The following SUGCT variants were observed in gnomAD, a reference collection of about 807,000 sequenced individuals.
The protein encoded by SUGCT is succinyl-CoA:glutarate-CoA transferase, also known as succinyl-CoA:glutarate CoA-transferase.
Under a neutral mutation model 55.0 loss-of-function variants are expected in SUGCT, and 41 were observed. The observed-to-expected ratio is 0.74, with a 90% CI of 0.58 to 0.97. The LOEUF (loss-of-function observed/expected upper bound fraction) is 0.97, where lower values mean the gene tolerates loss of function less well. Among genes scored for constraint, SUGCT ranks in the 50% least tolerant of loss-of-function variants. SUGCT has a pLI of 0.00. For missense variants in SUGCT, 568 were observed against 547.8 expected (o/e 1.04, Z -0.37); for synonymous variants, 187 against 200.4 (o/e 0.93, Z 0.56).
rs544312261 is a variant in SUGCT at position 40,419,967 on chromosome 7, A to C, written c.817-29320A>C. On this transcript the variant is annotated intron_variant, in intron 9 of 13. Coordinates refer to ENST00000335693, the MANE Select transcript of SUGCT (RefSeq NM_001193313.2). The stretch of plus-strand genomic sequence containing the variant: ...GTAGCTGGCAAGTTACAGAAACAGG[A>C]ACCTGGGCTCCAAACCATGTGCTTT... Among the ~76,000 whole-genome samples the C allele has an allele frequency of 1.4e-4, 22 of 152,304 alleles. No individual in the cohort carries two copies. The East Asian group carries it at 3.7e-3, about 25-fold the overall frequency.
chr7:40,775,787 C>T (rs1406172958), intron 13 of SUGCT: 2 of 152,162 alleles, frequency 1.3e-5, no homozygotes, highest in South Asian at 2.1e-4. Context: ...CTTTGAAATT[C>T]CTATTAAGCA....
At chr7:40,535,628 T>G (rs1400950207) in intron 12 of SUGCT, among the ~76,000 whole-genome samples, 1 of 152,156 alleles carries the variant, frequency 6.6e-6, no homozygotes, top group Non-Finnish European at 1.5e-5. Context: ...TACATGCCAA[T>G]CAGGGTTGGA....
chr7:40,697,570 G>A (rs1246764349), intron 12 of SUGCT, among the ~76,000 whole-genome samples: 5 of 152,130 alleles, frequency 3.3e-5, no homozygotes, highest in South Asian at 2.1e-4. Flanking sequence ...CCCGGGAGGC[G>A]GAGGTTGCAG....
chr7:40,697,851 C>T (rs931786568), intron 12 of SUGCT, among the ~76,000 whole-genome samples: 2 of 152,196 alleles, frequency 1.3e-5, no homozygotes, highest in African/African-American at 4.8e-5. Context: ...AGTCAGACAG[C>T]CAACAAGCCT....
intron 9 of SUGCT, among the ~76,000 whole-genome samples, chr7:40,324,884 A>G (rs935234587): frequency 1.3e-5 from 2 of 152,216 alleles, no homozygotes; most frequent in Non-Finnish European, 2.9e-5. Flanking sequence ...GATAATTCAC[A>G]TGGTAATTTC....
rs191470942 is a variant in SUGCT at position 40,766,586 on chromosome 7, G to A, written c.1153+17089G>A. Among the ~76,000 whole-genome samples the A allele has an allele frequency of 5.1e-4, 77 of 152,198 alleles. 1 individual carries two copies. The highest frequency in any genetic ancestry group is 2.3e-3 in the South Asian group (11 of 4,818). On this transcript the variant is annotated intron_variant, in intron 13 of 13. Coordinates refer to ENST00000335693, the MANE Select transcript of SUGCT (RefSeq NM_001193313.2). ...TTTAGTATTTTTCCTAATAGAAATT[G>A]TAAACTTCAATATGTTACTAAGAAT...
the SUGCT span, among the ~76,000 whole-genome samples, chr7:40,907,551 C>T: frequency 8.5e-5 from 13 of 152,272 alleles, no homozygotes; most frequent in South Asian, 1.0e-3. Flanking sequence ...CCTCATCTAA[C>T]GCTCACAAAA....
chr7:40,192,276 T>A (rs1360411791), intron 5 of SUGCT, among the ~76,000 whole-genome samples: 1 of 152,124 alleles, frequency 6.6e-6, no homozygotes. Context: ...GACTCCTTTG[T>A]CAGCTAGGCT....
At chr7:40,592,620 T>C (rs1475260373) in intron 12 of SUGCT, among the ~76,000 whole-genome samples, 1 of 152,206 alleles carries the variant, frequency 6.6e-6, no homozygotes, top group Admixed American at 6.5e-5. Flanking sequence ...AGAAGTAAAG[T>C]AGTGCCAGGG....
At chr7:40,886,753 T>A in the SUGCT span, among the ~76,000 whole-genome samples, 2 of 152,192 alleles carry the variant, frequency 1.3e-5, no homozygotes, top group Non-Finnish European at 2.9e-5. Flanking sequence ...GAGATACCCA[T>A]GTTGGTATGC....
the SUGCT span, among the ~76,000 whole-genome samples, chr7:40,958,922 C>T: frequency 1.3e-5 from 2 of 152,194 alleles, no homozygotes; most frequent in African/African-American, 4.8e-5. Context: ...AGTCAGGCCC[C>T]TCTGCTGCAG....
At chr7:40,600,918 C>G (rs1313084245) in intron 12 of SUGCT, among the ~76,000 whole-genome samples, 2 of 151,906 alleles carry the variant, frequency 1.3e-5, no homozygotes, top group Non-Finnish European at 2.9e-5. Flanking sequence ...TTTTAAGGTA[C>G]TTATGTTCAA....
At chr7:41,009,035 T>C in the SUGCT span, among the ~76,000 whole-genome samples, 1 of 152,016 alleles carries the variant, frequency 6.6e-6, no homozygotes, top group African/African-American at 2.4e-5. Context: ...GTGACTTATT[T>C]TGGGGAAAAT....
intron 8 of SUGCT, among the ~76,000 whole-genome samples, chr7:40,289,550 A>G (rs921194135): frequency 1.6e-4 from 24 of 152,182 alleles, no homozygotes; most frequent in Non-Finnish European, 2.8e-4. Flanking sequence ...CCAATATCAT[A>G]CTGAATGGGC....
intron 1 of SUGCT, among the ~76,000 whole-genome samples, chr7:40,148,399 C>T (rs1406002431): frequency 6.6e-6 from 1 of 152,102 alleles, no homozygotes; most frequent in Non-Finnish European, 1.5e-5. Flanking sequence ...AATCCCAGCA[C>T]CTTGGGAGGC....
At chr7:40,263,821 CAG>C (rs898735665) in intron 7 of SUGCT, among the ~76,000 whole-genome samples, 1 of 152,080 alleles carries the variant, frequency 6.6e-6, no homozygotes, top group African/African-American at 2.4e-5. Context: ...CAATGAAGAT[CAG>C]AGAGAGTTTT....
chr7:40,515,928 C>T (rs1268138172), intron 12 of SUGCT, among the ~76,000 whole-genome samples: 1 of 152,244 alleles, frequency 6.6e-6, no homozygotes, highest in East Asian at 1.9e-4. Context: ...TTTTCCAAAT[C>T]CACCAGCAAT....
At chr7:40,210,776 C>G (rs946533840) in intron 6 of SUGCT, among the ~76,000 whole-genome samples, 5 of 151,910 alleles carry the variant, frequency 3.3e-5, no homozygotes, top group African/African-American at 1.2e-4. Flanking sequence ...AAGAGAATGA[C>G]AGGGTGAGTG....
chr7:40,398,562 A>C (rs1785882474), intron 9 of SUGCT, among the ~76,000 whole-genome samples: 1 of 140,164 alleles, frequency 7.1e-6, no homozygotes, highest in Non-Finnish European at 1.5e-5. Context: ...TCCCTAAATT[A>C]TGCTTCCCGG....
Sources: allele counts gnomAD v4.1 joint callset (sites outside exome capture counted in the v4.1 genomes callset), GRCh38; gene constraint gnomAD v4.1.1; transcripts MANE v1.5; gene names NCBI Gene and HGNC (gene_info 2026-07-23, HGNC 2026-07-21).